The following ELF2 variants were observed in gnomAD, a reference collection of about 807,000 sequenced individuals.
ELF2 encodes the protein E74 like ETS transcription factor 2, also known as ETS-related transcription factor Elf-2.
In ELF2, 11 loss-of-function variants were observed where a neutral mutation model predicts 54.8. That is an observed-to-expected ratio of 0.20 (90% CI 0.13 to 0.33). The LOEUF (loss-of-function observed/expected upper bound fraction) is 0.33, where lower values mean the gene tolerates loss of function less well. Among genes scored for constraint, ELF2 ranks in the 10% least tolerant of loss-of-function variants. The pLI is 1.00. For missense variants in ELF2, 513 were observed against 703.0 expected (o/e 0.73, Z 3.06); for synonymous variants, 203 against 245.1 (o/e 0.83, Z 1.61).
intron 4 of ELF2, chr4:139,084,100 C>T: frequency 6.2e-7 from 1 of 1,612,792 alleles, no homozygotes; most frequent in Non-Finnish European, 8.5e-7. Flanking sequence ...CCTGCTGCAC[C>T]GATGCACGGG....
At chr4:139,142,930 GC>G (rs1738859546) in intron 1 of ELF2, among the ~76,000 whole-genome samples, 1 of 152,012 alleles carries the variant, frequency 6.6e-6, no homozygotes, top group Non-Finnish European at 1.5e-5. Flanking sequence ...ACATTTGCAA[GC>G]AAAATTGATG....
At chr4:139,125,791 A>G (rs1282555537) in intron 3 of ELF2, among the ~76,000 whole-genome samples, 1 of 151,892 alleles carries the variant, frequency 6.6e-6, no homozygotes, top group Non-Finnish European at 1.5e-5. Context: ...AAAAAAAAAA[A>G]AAAAAAAAAA....
At chr4:139,163,660 T>C (rs1023819287) in intron 1 of ELF2, among the ~76,000 whole-genome samples, 3 of 152,126 alleles carry the variant, frequency 2.0e-5, no homozygotes, top group Non-Finnish European at 4.4e-5. Flanking sequence ...ATGGCTGTAA[T>C]CCCAGCACTT....
intron 4 of ELF2, among the ~76,000 whole-genome samples, chr4:139,089,686 G>A (rs1732379551): frequency 2.0e-5 from 3 of 151,982 alleles, no homozygotes; most frequent in South Asian, 2.1e-4. Context: ...GTCAGTATAC[G>A]TAAATATAGC....
intron 1 of ELF2, among the ~76,000 whole-genome samples, chr4:139,160,421 G>C (rs958670751): frequency 1.3e-5 from 2 of 152,188 alleles, no homozygotes; most frequent in African/African-American, 4.8e-5. Context: ...GGAGACCATA[G>C]TACAAGTAAT....
intron 4 of ELF2, chr4:139,116,814 G>T: frequency 1.4e-6 from 1 of 733,328 alleles, no homozygotes; most frequent in Non-Finnish European, 1.7e-6. Flanking sequence ...ATTTCTGATG[G>T]TATAACAAAT....
chr4:139,170,719 T>C (rs1164702437), intron 1 of ELF2, among the ~76,000 whole-genome samples: 7 of 144,402 alleles, frequency 4.8e-5, no homozygotes, highest in Admixed American at 4.8e-4. Context: ...TACATTACAT[T>C]ATATTATATT....
At chr4:139,152,950 C>A (rs1259225378) in intron 1 of ELF2, among the ~76,000 whole-genome samples, 1 of 134,290 alleles carries the variant, frequency 7.4e-6, no homozygotes, top group African/African-American at 2.9e-5. Flanking sequence ...GGCTGAAGTG[C>A]AGTGGTGCAA....
intron 1 of ELF2, among the ~76,000 whole-genome samples, chr4:139,172,237 T>C (rs1742378561): frequency 1.3e-5 from 2 of 152,260 alleles, no homozygotes; most frequent in Non-Finnish European, 2.9e-5. Flanking sequence ...GGTCAACAGC[T>C]AAAGTGTGTT....
chr4:139,128,852 T>A lies in ELF2; in HGVS notation c.73-3523A>T, dbSNP rs140933229. 1.5e-4 allele frequency among the ~76,000 whole-genome samples: 23 copies of A among 152,016 alleles called. No individual in the cohort carries two copies. The East Asian group carries it at 4.3e-3, about 28-fold the overall frequency. On this transcript the variant is annotated intron_variant, in intron 3 of 9. Coordinates refer to ENST00000686138, the MANE Select transcript of ELF2 (RefSeq NM_001331036.3). ...ATGTTAATAACGACCAAATTCTATT[T>A]CAGTTTTCAATCTCTACTGCCTCCC...
At chr4:139,133,091 T>G (rs1266423415) in intron 3 of ELF2, among the ~76,000 whole-genome samples, 2 of 151,820 alleles carry the variant, frequency 1.3e-5, no homozygotes, top group Admixed American at 6.6e-5. Flanking sequence ...CCGGCTAATT[T>G]TTTGTATTTT....
intron 4 of ELF2, among the ~76,000 whole-genome samples, chr4:139,104,704 G>C (rs1025092683): frequency 1.3e-5 from 2 of 151,834 alleles, no homozygotes; most frequent in African/African-American, 4.8e-5. Flanking sequence ...GATTTTTTAT[G>C]GTATTGTTAC....
intron 1 of ELF2, among the ~76,000 whole-genome samples, chr4:139,151,032 A>AG (rs1553971300): frequency 2.4e-4 from 25 of 102,530 alleles, no homozygotes; most frequent in African/African-American, 8.1e-4. Context: ...TCAAAAAAAA[A>AG]AAAGAAAGAA....
At chr4:139,091,959 A>G (rs895602331) in intron 4 of ELF2, among the ~76,000 whole-genome samples, 4 of 148,998 alleles carry the variant, frequency 2.7e-5, no homozygotes, top group African/African-American at 9.8e-5. Context: ...ACACATATAT[A>G]TACATATATA....
At chr4:139,081,640 T>G (rs1731132072) in intron 4 of ELF2, among the ~76,000 whole-genome samples, 1 of 151,680 alleles carries the variant, frequency 6.6e-6, no homozygotes, top group Non-Finnish European at 1.5e-5. Flanking sequence ...TAAAAAGGTA[T>G]TCTGTCCATT....
chr4:139,116,027 A>G (rs889383162), intron 4 of ELF2, among the ~76,000 whole-genome samples: 1 of 152,090 alleles, frequency 6.6e-6, no homozygotes, highest in Non-Finnish European at 1.5e-5. Context: ...ATTTTTTAGT[A>G]CAGATGGGGT....
chr4:139,107,153 CA>C (rs1734497897), intron 4 of ELF2, among the ~76,000 whole-genome samples: 1 of 151,906 alleles, frequency 6.6e-6, no homozygotes, highest in African/African-American at 2.4e-5. Flanking sequence ...ACCCTATGGC[CA>C]AAAAGGTTCA....
chr4:139,138,477 TGTTA>T (rs1425452632), intron 2 of ELF2, among the ~76,000 whole-genome samples: 1 of 152,144 alleles, frequency 6.6e-6, no homozygotes, highest in Non-Finnish European at 1.5e-5. Flanking sequence ...TCCTGAAATA[TGTTA>T]GTTTCTATAA....
chr4:139,117,669 G>A (rs527385317), intron 4 of ELF2, among the ~76,000 whole-genome samples: 17 of 151,500 alleles, frequency 1.1e-4, no homozygotes, highest in African/African-American at 3.1e-4. Context: ...GCAAGAGAGT[G>A]AGCCGGGCAC....
Sources: allele counts gnomAD v4.1 joint callset (sites outside exome capture counted in the v4.1 genomes callset), GRCh38; gene constraint gnomAD v4.1.1; transcripts MANE v1.5; gene names NCBI Gene and HGNC (gene_info 2026-07-23, HGNC 2026-07-21).